The following DCHS2 variants were observed in gnomAD, a reference collection of about 807,000 sequenced individuals.
The protein encoded by DCHS2 is protocadherin-23.
A neutral mutation model predicts 182.4 loss-of-function variants in DCHS2; 142 were observed. The observed-to-expected ratio is 0.78, with a 90% CI of 0.68 to 0.89. DCHS2 has a LOEUF of 0.89. DCHS2 is among the 40% of genes least tolerant of loss of function. The pLI is 0.00. For synonymous variants in DCHS2, 1,740 were observed against 1,663.3 expected, an observed-to-expected ratio of 1.05 and a Z score of -1.12; for missense variants, 4,319 against 4,198.6, an observed-to-expected ratio of 1.03 and a Z score of -0.79.
intron 13 of DCHS2, among the ~76,000 whole-genome samples, chr4:154,277,584 T>C (rs1054496236): frequency 2.3e-5 from 3 of 129,936 alleles, no homozygotes; most frequent in African/African-American, 9.2e-5. Flanking sequence ...ATCCAGTCTG[T>C]AAAATCTAGA....
chr4:154,314,416 C>T (rs907206245), intron 10 of DCHS2, among the ~76,000 whole-genome samples: 1 of 152,154 alleles, frequency 6.6e-6, no homozygotes, highest in Admixed American at 6.5e-5. Context: ...AGCAAACAAT[C>T]GTTAGCATGC....
chr4:154,246,895 G>C (rs2111122739), intron 16 of DCHS2, among the ~76,000 whole-genome samples: 1 of 151,848 alleles, frequency 6.6e-6, no homozygotes, highest in Non-Finnish European at 1.5e-5. Flanking sequence ...AACTAACAAA[G>C]AATTCATCTA....
At chr4:154,309,024 T>C (rs1393724154) in intron 10 of DCHS2, among the ~76,000 whole-genome samples, 3 of 152,204 alleles carry the variant, frequency 2.0e-5, no homozygotes, top group Non-Finnish European at 4.4e-5. Flanking sequence ...TCCCATATGA[T>C]GTGGGCTCTG....
intron 13 of DCHS2, among the ~76,000 whole-genome samples, chr4:154,275,661 T>C (rs1733820746): frequency 6.6e-6 from 1 of 152,120 alleles, no homozygotes; most frequent in Non-Finnish European, 1.5e-5. Context: ...AAATTTTATT[T>C]CAACTGGCTT....
At chr4:154,374,002 CAAAAAAAAAAAA>C (rs35401379) in intron 2 of DCHS2, 24 of 596,858 alleles carry the variant, frequency 4.0e-5, no homozygotes, top group Non-Finnish European at 6.1e-5. Flanking sequence ...ATTTTAATAG[CAAAAAAAAAAAA>C]AAAAAAAAAA....
intron 10 of DCHS2, among the ~76,000 whole-genome samples, chr4:154,315,146 A>G (rs1228862112): frequency 1.3e-5 from 2 of 152,198 alleles, no homozygotes; most frequent in African/African-American, 4.8e-5. Context: ...TAACATATTG[A>G]CCATTTATTG....
At chr4:154,262,286 G>A (rs1008442161) in intron 14 of DCHS2, 1 of 152,158 alleles carries the variant, frequency 6.6e-6, no homozygotes, top group African/African-American at 2.4e-5. Flanking sequence ...TGCTGTGAAA[G>A]TCGTGCAAGT....
chr4:154,350,193 T>A (rs1561061054), intron 3 of DCHS2, among the ~76,000 whole-genome samples: 1 of 152,250 alleles, frequency 6.6e-6, no homozygotes, highest in African/African-American at 2.4e-5. Flanking sequence ...ACATGGTGAC[T>A]GTTCAATAAC....
At position 154,234,728 on chromosome 4, in the gene DCHS2, G is replaced by T; in HGVS notation, c.9924C>A (p.His3308Gln). 1 of 1,613,970 alleles carries T rather than the reference G, an allele frequency of 6.2e-7. No individual in the cohort carries two copies. Among genetic ancestry groups the T allele is most frequent in the East Asian group, 2.2e-5 (1 of 44,878 alleles). Residue 3308 changes from histidine (H) to glutamine (Q), a missense_variant, in exon 20 of 20, where the codon CAC becomes CAA. By Grantham distance (24) the His-to-Gln change is conservative. Coordinates refer to ENST00000357232, the MANE Select transcript of DCHS2 (RefSeq NM_001358235.2). Reference sequence around the variant, plus strand: ...GATGGTAGGGGATGGGAGAGCGTGGGTGTTTCGGAGGCACCTGCCCCAGGT... The same window carrying T: ...GATGGTAGGGGATGGGAGAGCGTGGTTGTTTCGGAGGCACCTGCCCCAGGT... Reference protein sequence around the residue: ...AVNLGQVPPKHPRSPIPYHLG... With the variant: ...AVNLGQVPPKQPRSPIPYHLG...
In DCHS2 at chr4:154,240,766, G is replaced by A; in HGVS notation, c.7130C>T (p.Ser2377Leu). 1 of 1,613,872 alleles carries A rather than the reference G, an allele frequency of 6.2e-7. No individual in the cohort carries two copies. Among genetic ancestry groups the A allele is most frequent in the Non-Finnish European group, 8.5e-7 (1 of 1,179,892 alleles). The change falls in exon 18 of 20, where the codon TCA (serine) becomes TTA (leucine). Residue 2377 changes from serine to leucine, a missense_variant. Coordinates refer to ENST00000357232, the MANE Select transcript of DCHS2 (RefSeq NM_001358235.2). Reference sequence around the variant, plus strand: ...TTTGGCAAAACTGAATATGAAAGCTGAATTCAAATCCACATCATGAACTGA... The same window carrying A: ...TTTGGCAAAACTGAATATGAAAGCTAAATTCAAATCCACATCATGAACTGA... ...HVSVHDVDLNSAFIFSFAKES... is the reference protein window; with the variant it reads ...HVSVHDVDLNLAFIFSFAKES...
At chr4:154,461,352 T>G (rs1735002152) in intron 1 of DCHS2, among the ~76,000 whole-genome samples, 2 of 152,208 alleles carry the variant, frequency 1.3e-5, no homozygotes, top group South Asian at 4.1e-4. Context: ...TGGATATAGC[T>G]TTTTAAAAAA....
In DCHS2 at chr4:154,298,155, T is replaced by G; in HGVS notation, c.6159A>C (p.Thr2053=). The part of the protein sequence containing the change: ...FDVFLSPESP[T]NQTTVIVRAD... ...CTCTCACAATGACAGTTGTCTGGTT[T>G]GTAGGCGACTCGGGGGAAAGAAACA... The change falls in exon 13 of 20, where the codon ACA becomes ACC. Residue 2053 remains threonine (T), a synonymous_variant. Coordinates refer to ENST00000357232, the MANE Select transcript of DCHS2 (RefSeq NM_001358235.2). The G allele has an allele frequency of 1.2e-6, 2 of 1,614,126 alleles. No individual in the cohort carries two copies. Among genetic ancestry groups the G allele is most frequent in the South Asian group, 1.1e-5 (1 of 91,084 alleles).
chr4:154,282,954 C>T (rs1231757091), intron 13 of DCHS2, among the ~76,000 whole-genome samples: 1 of 152,044 alleles, frequency 6.6e-6, no homozygotes, highest in African/African-American at 2.4e-5. Context: ...TCTGATTCCA[C>T]TTATATGAAG....
At chr4:154,395,573 C>T (rs1731895617) in intron 1 of DCHS2, among the ~76,000 whole-genome samples, 1 of 152,214 alleles carries the variant, frequency 6.6e-6, no homozygotes, top group Non-Finnish European at 1.5e-5. Flanking sequence ...TCCTTCAATG[C>T]TAGTTCCCAC....
At chr4:154,377,733 G>A (rs1175306180) in intron 1 of DCHS2, among the ~76,000 whole-genome samples, 2 of 152,028 alleles carry the variant, frequency 1.3e-5, no homozygotes, top group Non-Finnish European at 2.9e-5. Flanking sequence ...TTCACTTATA[G>A]TCTTCTTATT....
Position 154,463,692 on chromosome 4 carries a change from TTCTCTCTC to T in DCHS2, c.2052+25604_2052+25611del, listed in dbSNP as rs5863102. Among the ~76,000 whole-genome samples, 874 of 145,258 alleles carry T rather than the reference TTCTCTCTC, an allele frequency of 6.0e-3. 3 individuals are homozygous for T. Among genetic ancestry groups the T allele is most frequent in the Admixed American group, 8.2e-3 (119 of 14,496 alleles). On this transcript the variant is annotated intron_variant, in intron 1 of 19. Coordinates refer to ENST00000357232, the MANE Select transcript of DCHS2 (RefSeq NM_001358235.2). The stretch of plus-strand genomic sequence containing the variant: ...AAAATCCTGTAAGCTATTCTCTCTT[TTCTCTCTC>T]TCTCTCTCTCTCTCTCTCTCTCTCT...
chr4:154,451,735 G>A (rs1579095586), intron 1 of DCHS2, among the ~76,000 whole-genome samples: 2 of 135,866 alleles, frequency 1.5e-5, no homozygotes, highest in African/African-American at 2.5e-5. Flanking sequence ...GCTTCTGGTT[G>A]TTTATTTTGC....
rs567325978 is a variant in DCHS2, at chr4:154,462,964, T to C, written c.2052+26340A>G. Among the ~76,000 whole-genome samples the C allele has an allele frequency of 1.2e-4, 19 of 152,072 alleles. No homozygotes were observed. The East Asian group carries it at 3.7e-3, about 29-fold the overall frequency. ...AGTTAATTGGGAAAATGACATGAAA[T>C]GAGAAAAAGCCAAAACCTCAAAGAT... is the stretch of plus-strand genomic sequence containing the variant. On this transcript the variant is annotated intron_variant, in intron 1 of 19. Transcript: ENST00000357232.
intron 1 of DCHS2, among the ~76,000 whole-genome samples, chr4:154,464,716 G>C (rs532004975): frequency 6.6e-6 from 1 of 152,134 alleles, no homozygotes; most frequent in Admixed American, 6.5e-5. Context: ...GGGAGAACTA[G>C]AGACTGAGGC....
Sources: gnomAD v4.1 joint callset for allele counts (sites outside exome capture counted in the v4.1 genomes callset) on GRCh38, gnomAD v4.1.1 for gene constraint, MANE v1.5 for transcripts, NCBI Gene and HGNC (gene_info 2026-07-23, HGNC 2026-07-21) for gene names.